The following PPM1L variants were observed in gnomAD, a reference collection of about 807,000 sequenced individuals.
PPM1L encodes protein phosphatase, Mg2+/Mn2+ dependent 1L, also known as protein phosphatase 1L.
A neutral mutation model predicts 31.4 loss-of-function variants in PPM1L; 13 were observed. That is an observed-to-expected ratio of 0.41 (90% CI 0.27 to 0.66). The LOEUF (loss-of-function observed/expected upper bound fraction) is 0.66. Ranked by LOEUF, PPM1L falls within the 30% of genes least tolerant of loss-of-function variation. The pLI is 0.29. For missense variants in PPM1L, 326 were observed against 453.7 expected, an observed-to-expected ratio of 0.72 and a Z score of 2.56; for synonymous variants, 184 against 175.4, an observed-to-expected ratio of 1.05 and a Z score of -0.39.
chr3:160,929,766 C>T (rs2108078212), intron 1 of PPM1L, among the ~76,000 whole-genome samples: 1 of 152,334 alleles, frequency 6.6e-6, no homozygotes, highest in East Asian at 1.9e-4. Context: ...TTCAGGCCAG[C>T]TCTCTCCCCC....
intron 2 of PPM1L, among the ~76,000 whole-genome samples, chr3:161,047,224 T>C (rs1368600791): frequency 1.6e-4 from 24 of 152,212 alleles, no homozygotes; most frequent in Non-Finnish European, 1.0e-4. Context: ...CTTAAGCTCA[T>C]AGGCAACTTC....
chr3:160,830,814 T>A (rs557999536), intron 1 of PPM1L, among the ~76,000 whole-genome samples: 112 of 152,352 alleles, frequency 7.4e-4, no homozygotes, highest in Non-Finnish European at 1.4e-3. Context: ...TAGTTTCATA[T>A]GCTACTTATT....
chr3:161,017,793 A>G (rs1718127195), intron 2 of PPM1L, among the ~76,000 whole-genome samples: 1 of 152,148 alleles, frequency 6.6e-6, no homozygotes, highest in Non-Finnish European at 1.5e-5. Flanking sequence ...AATACAAGGA[A>G]AAAGTATTGC....
intron 2 of PPM1L, among the ~76,000 whole-genome samples, chr3:161,018,317 T>C (rs1287865376): frequency 2.0e-5 from 3 of 152,184 alleles, no homozygotes; most frequent in Non-Finnish European, 2.9e-5. Context: ...AAATTGGCCC[T>C]AAATAAGAAT....
chr3:160,831,812 G>C (rs976193413), intron 1 of PPM1L, among the ~76,000 whole-genome samples: 2 of 152,128 alleles, frequency 1.3e-5, no homozygotes, highest in African/African-American at 4.8e-5. Context: ...TCTGAGATTT[G>C]GTTTTCTCAT....
At chr3:160,941,453 A>G (rs1384424089) in intron 1 of PPM1L, among the ~76,000 whole-genome samples, 23 of 152,276 alleles carry the variant, frequency 1.5e-4, no homozygotes. Context: ...GGGACCCCGC[A>G]GAGGTAATTG....
At position 160,766,909 on chromosome 3, in the gene PPM1L, G is replaced by A. The variant is rs558606678; in HGVS notation, c.399+10202G>A. 8.8e-5 allele frequency among the ~76,000 whole-genome samples: 13 copies of A among 147,532 alleles called. No individual in the cohort carries two copies. In the South Asian group the frequency reaches 2.5e-3, roughly 28 times the overall value. ...TCTTCCATTCCTAGAAGACAAGAGA[G>A]TTCCTGTCTGCCACTGGGCGTGAGG... On this transcript the variant is annotated intron_variant, in intron 1 of 3. Coordinates refer to ENST00000498165, the MANE Select transcript of PPM1L (RefSeq NM_139245.4).
rs553973744 is a variant in PPM1L at position 160,823,250 on chromosome 3, GTTC to G, written c.399+66549_399+66551del. ...TTTACTTTCTTTGATTTTTCTTAATGTTCTTCTTGATCACTGATGACTAGAGTA... is the reference window on the plus strand; with the variant it reads ...TTTACTTTCTTTGATTTTTCTTAATGTTCTTGATCACTGATGACTAGAGTA... On this transcript the variant is annotated intron_variant, in intron 1 of 3. Coordinates refer to ENST00000498165, the MANE Select transcript of PPM1L (RefSeq NM_139245.4). Among the ~76,000 whole-genome samples, 7 of 151,782 alleles carry G rather than the reference GTTC, an allele frequency of 4.6e-5. No individual in the cohort carries two copies. In the South Asian group the frequency reaches 1.2e-3, roughly 27 times the overall value.
intron 2 of PPM1L, among the ~76,000 whole-genome samples, chr3:160,974,206 AT>A (rs1209949054): frequency 6.6e-6 from 1 of 151,720 alleles, no homozygotes; most frequent in Non-Finnish European, 1.5e-5. Context: ...TGAACTCAAC[AT>A]TTTTTATGGC....
intron 1 of PPM1L, among the ~76,000 whole-genome samples, chr3:160,789,697 T>G (rs1444753087): frequency 6.6e-6 from 1 of 152,104 alleles, no homozygotes; most frequent in Non-Finnish European, 1.5e-5. Context: ...GTTTTCAAAT[T>G]TATACATATG....
intron 1 of PPM1L, among the ~76,000 whole-genome samples, chr3:160,852,092 T>A (rs1416482604): frequency 1.3e-5 from 2 of 152,210 alleles, no homozygotes; most frequent in Non-Finnish European, 2.9e-5. Context: ...TGTATTAAAC[T>A]GTGTGAATTT....
intron 2 of PPM1L, among the ~76,000 whole-genome samples, chr3:160,995,999 A>G (rs545963304): frequency 6.6e-6 from 1 of 152,364 alleles, no homozygotes; most frequent in East Asian, 1.9e-4. Flanking sequence ...GACAATTCTC[A>G]AAAGAAGATA....
At chr3:160,794,058 C>G (rs1467956541) in intron 1 of PPM1L, among the ~76,000 whole-genome samples, 2 of 147,592 alleles carry the variant, frequency 1.4e-5, no homozygotes, top group African/African-American at 5.4e-5. Flanking sequence ...GAGTACATGA[C>G]TGCTCCCTCA....
At chr3:160,835,940 C>T (rs970939286) in intron 1 of PPM1L, among the ~76,000 whole-genome samples, 2 of 151,190 alleles carry the variant, frequency 1.3e-5, no homozygotes, top group Admixed American at 1.3e-4. Context: ...AGGGATACCC[C>T]CTGGATAGTC....
chr3:160,848,462 C>T (rs1383259565), intron 1 of PPM1L, among the ~76,000 whole-genome samples: 2 of 152,180 alleles, frequency 1.3e-5, no homozygotes, highest in Non-Finnish European at 1.5e-5. Context: ...CCTTACTCTC[C>T]TACTTCTGAA....
intron 2 of PPM1L, among the ~76,000 whole-genome samples, chr3:161,027,097 A>G (rs1164257119): frequency 6.6e-6 from 1 of 152,240 alleles, no homozygotes; most frequent in Non-Finnish European, 1.5e-5. Flanking sequence ...TCAGCTTTAA[A>G]TAAGCTAACT....
intron 1 of PPM1L, among the ~76,000 whole-genome samples, chr3:160,857,151 G>A (rs1472445475): frequency 6.6e-6 from 1 of 152,080 alleles, no homozygotes; most frequent in Non-Finnish European, 1.5e-5. Flanking sequence ...TTGTTTCCAG[G>A]AAAAATACGG....
At chr3:161,061,674 A>G (rs115062910) in intron 2 of PPM1L, among the ~76,000 whole-genome samples, 4,052 of 152,324 alleles carry the variant, frequency 0.027, 156 homozygotes, top group African/African-American at 0.091. Context: ...TAAAGTATAC[A>G]AGAGGATGTA....
In PPM1L at chr3:161,069,026, A is replaced by C; in HGVS notation, c.952A>C (p.Lys318Gln). ...CAATGAAGAAGCAGTTCGATTCATC[A>C]AGGAGCGCTTGGATGAACCTCACTT... is the stretch of plus-strand genomic sequence containing the variant. ...FSNEEAVRFI[K>Q]ERLDEPHFGA... is the part of the protein sequence containing the mutation. Residue 318 changes from lysine (K) to glutamine (Q), a missense_variant, in exon 4 of 4, where the codon AAG becomes CAG. This residue lies in a region of PPM1L where 201 missense variants were observed against 298.2 expected (regional missense o/e 0.67). Transcript: ENST00000498165. 1 of 1,614,164 alleles carries C rather than the reference A, an allele frequency of 6.2e-7. No individual in the cohort carries two copies. Among genetic ancestry groups the C allele is most frequent in the Non-Finnish European group, 8.5e-7 (1 of 1,180,012 alleles).
Sources: allele counts gnomAD v4.1 joint callset (sites outside exome capture counted in the v4.1 genomes callset), GRCh38; gene constraint gnomAD v4.1.1; regional missense constraint gnomAD v4.1.1; transcripts MANE v1.5; gene names NCBI Gene and HGNC (gene_info 2026-07-23, HGNC 2026-07-21).